The following SUCLG1 variants were observed in gnomAD, a reference collection of about 807,000 sequenced individuals.
SUCLG1 encodes the protein succinate--CoA ligase [ADP/GDP-forming] subunit alpha, mitochondrial.
SUCLG1 carries 26 observed loss-of-function variants against 37.3 expected under a neutral mutation model. That is an observed-to-expected ratio of 0.70 (90% CI 0.51 to 0.97). The LOEUF is 0.97. Ranked by LOEUF, SUCLG1 falls within the 50% of genes least tolerant of loss-of-function variation. SUCLG1 has a pLI of 0.00. For synonymous variants in SUCLG1, 163 were observed against 155.6 expected, an observed-to-expected ratio of 1.05 and a Z score of -0.36; for missense variants, 433 against 432.9, an observed-to-expected ratio of 1.00 and a Z score of 0.00.
chr2:84,424,502 G>A (rs541430836), intron 8 of SUCLG1, among the ~76,000 whole-genome samples: 1 of 152,206 alleles, frequency 6.6e-6, no homozygotes, highest in Non-Finnish European at 1.5e-5. Context: ...TATTCCAAGA[G>A]CAGGATCATG....
intron 2 of SUCLG1, among the ~76,000 whole-genome samples, chr2:84,444,975 T>A (rs564592538): frequency 6.6e-6 from 1 of 152,322 alleles, no homozygotes; most frequent in South Asian, 2.1e-4. Context: ...AGATTTCATA[T>A]TGTTCAAACA....
chr2:84,449,545 T>C (rs1336275280), intron 2 of SUCLG1, 104 bp downstream of exon 2: 7 of 790,728 alleles, frequency 8.9e-6, no homozygotes, highest in African/African-American at 7.0e-5. Flanking sequence ...AGTATATTTT[T>C]CTGCAACAAT....
intron 7 of SUCLG1, among the ~76,000 whole-genome samples, chr2:84,430,309 C>CACT (rs1672596025): frequency 6.6e-6 from 1 of 152,126 alleles, no homozygotes; most frequent in African/African-American, 2.4e-5. Context: ...AGGAGGCAGG[C>CACT]ACTACTATAT....
At chr2:84,425,321 C>T in intron 8 of SUCLG1, 94 bp downstream of exon 8, 3 of 1,501,798 alleles carry the variant, frequency 2.0e-6, no homozygotes, top group Non-Finnish European at 2.8e-6. Flanking sequence ...AATTAAGTCC[C>T]AGAAGCAAAG....
At chr2:84,442,905 C>T (rs1341899915) in intron 3 of SUCLG1, among the ~76,000 whole-genome samples, 3 of 152,160 alleles carry the variant, frequency 2.0e-5, no homozygotes, top group Non-Finnish European at 2.9e-5. Flanking sequence ...CACCTACCTC[C>T]GAGGGTTGTA....
intron 3 of SUCLG1, 85 bp from the exon 4 acceptor site, chr2:84,441,544 T>G: frequency 6.9e-7 from 1 of 1,444,974 alleles, no homozygotes; most frequent in Non-Finnish European, 9.5e-7. Context: ...TTTAATAATG[T>G]CTTGGGGTAA....
At chr2:84,446,514 C>CT (rs751784842) in intron 2 of SUCLG1, among the ~76,000 whole-genome samples, 1 of 152,096 alleles carries the variant, frequency 6.6e-6, no homozygotes, top group Non-Finnish European at 1.5e-5. Flanking sequence ...GATTCAAATT[C>CT]TTTTTCAAAA....
chr2:84,423,566 T>C lies in SUCLG1; in HGVS notation c.*180A>G. On this transcript the variant is annotated 3_prime_UTR_variant, in exon 9 of 9. Transcript: ENST00000393868. ...GTAGATTTATTGGCTGTCTCTGTAATACAATGTGGTGAAAACATCTTAATT... is the reference window on the plus strand; with the variant it reads ...GTAGATTTATTGGCTGTCTCTGTAACACAATGTGGTGAAAACATCTTAATT... 2 of 673,398 alleles carry C rather than the reference T, an allele frequency of 3.0e-6. No homozygotes were observed. Among genetic ancestry groups the C allele is most frequent in the East Asian group, 5.5e-5 (2 of 36,526 alleles). 41.7% of individuals were successfully genotyped at this position (673,398 alleles called of 1,614,324 possible). A position where few individuals can be genotyped will look rare whatever the true frequency, so the allele number is the denominator to read the frequency against.
Position 84,449,750 on chromosome 2 carries a change from G to A in SUCLG1, c.100C>T (p.Pro34Ser). 1 of 1,439,488 alleles carries A rather than the reference G, an allele frequency of 6.9e-7. No individual in the cohort carries two copies. The highest frequency in any genetic ancestry group is 9.5e-7 in the Non-Finnish European group (1 of 1,056,726). The allele number at this position is 1,439,488 out of a possible 1,614,324, so 89.2% of individuals were successfully genotyped here. A position where few individuals can be genotyped will look rare whatever the true frequency, so the allele number is the denominator to read the frequency against. Reference protein sequence around the residue: ...ARLLSRSFLLPQNGIRHCSYT... With the variant: ...ARLLSRSFLLSQNGIRHCSYT... ...GAACAATGCCGAATTCCATTCTGCG[G>A]CACTAAGAGGTTAAAAAAAAAAAAA... The change falls in exon 2 of 9, where the codon CCG becomes TCG. Residue 34 changes from proline (P) to serine (S), a missense_variant and splice_region_variant. Physicochemically the swap from Pro to Ser is moderately conservative, Grantham distance 74. Transcript: ENST00000393868.
Position 84,425,531 on chromosome 2 carries a change from C to A in SUCLG1, c.898G>T (p.Ala300Ser), listed in dbSNP as rs774565624. The A allele has an allele frequency of 6.2e-7, 1 of 1,614,226 alleles. No homozygotes were observed. Among genetic ancestry groups the A allele is most frequent in the Non-Finnish European group, 8.5e-7 (1 of 1,180,034 alleles). The change falls in exon 8 of 9, where the codon GCC becomes TCC. Residue 300 changes from alanine (A) to serine (S), a missense_variant. Coordinates refer to ENST00000393868, the MANE Select transcript of SUCLG1 (RefSeq NM_003849.4). The stretch of plus-strand genomic sequence containing the variant: ...TTTCCTCCAGCAATAATTGCCCCGG[C>A]ATGACCCATTCTTCTCCCAGGAGGA... ...TAPPGRRMGHAGAIIAGGKGG... is the reference protein window; with the variant it reads ...TAPPGRRMGHSGAIIAGGKGG...
At chr2:84,453,001 G>C (rs1391615195) in intron 1 of SUCLG1, among the ~76,000 whole-genome samples, 2 of 152,192 alleles carry the variant, frequency 1.3e-5, no homozygotes, top group African/African-American at 4.8e-5. Context: ...AAAGATCATA[G>C]GTTTCCCTAA....
intron 5 of SUCLG1, among the ~76,000 whole-genome samples, chr2:84,439,987 T>C (rs1005606705): frequency 6.6e-6 from 1 of 152,204 alleles, no homozygotes; most frequent in Non-Finnish European, 1.5e-5. Flanking sequence ...AATGGCCTTA[T>C]AAGCACATGA....
chr2:84,432,468 T>TGTGAGAA (rs1317190171), intron 6 of SUCLG1: 4 of 152,232 alleles, frequency 2.6e-5, no homozygotes, highest in Admixed American at 1.3e-4. Flanking sequence ...TCAACTTCTC[T>TGTGAGAA]GTGAGATAGG....
intron 6 of SUCLG1, 197 bp downstream of exon 6, chr2:84,433,155 A>G: frequency 1.6e-6 from 1 of 636,308 alleles, no homozygotes; most frequent in Non-Finnish European, 2.8e-6. Context: ...TTCAACCTAG[A>G]AATGAAATCT....
rs563693991 is a variant in SUCLG1 at position 84,434,274 on chromosome 2, T to G, written c.590-839A>C. On this transcript the variant is annotated intron_variant, in intron 5 of 8. Coordinates refer to ENST00000393868, the MANE Select transcript of SUCLG1 (RefSeq NM_003849.4). ...TAGCATTAGTCACATTTTAAAATAC[T>G]ACCTATCTTCTCCACAACTATTTTC... Among the ~76,000 whole-genome samples, 5 of 152,324 alleles carry G rather than the reference T, an allele frequency of 3.3e-5. No individual in the cohort carries two copies. The South Asian group carries it at 1.0e-3, about 32-fold the overall frequency.
Position 84,441,266 on chromosome 2 carries a change from T to C in SUCLG1, c.512A>G (p.Asn171Ser), listed in dbSNP as rs765519303. Residue 171 changes from asparagine (N) to serine (S), a missense_variant, in exon 4 of 9, where the codon AAC becomes AGC. Physicochemically the swap from Asn to Ser is conservative, Grantham distance 46. Transcript: ENST00000393868. Reference sequence around the variant, plus strand: ...ACTCACATTGATGACTCCAGGGCAGTTGGGCCCAATTAGCCTTGTCTTTTC... The same window carrying C: ...ACTCACATTGATGACTCCAGGGCAGCTGGGCCCAATTAGCCTTGTCTTTTC... ...RQEKTRLIGP[N>S]CPGVINPGEC... 1.2e-6 allele frequency: 2 copies of C among 1,614,030 alleles called. No individual in the cohort carries two copies. The highest frequency in any genetic ancestry group is 8.5e-7 in the Non-Finnish European group (1 of 1,180,028).
chr2:84,459,264 G>C lies in SUCLG1; in HGVS notation c.6C>G (p.Thr2=). Residue 2 remains threonine, a synonymous_variant, in exon 1 of 9, where the codon ACC becomes ACG. Transcript: ENST00000393868. M[T]ATLAAAADIA... is the part of the protein sequence containing the mutation. ...TGTCAGCGGCAGCGGCAAGGGTTGC[G>C]GTCATACGCCAATGACACTCCCAGG... 1 of 1,550,580 alleles carries C rather than the reference G, an allele frequency of 6.4e-7. No individual in the cohort carries two copies. Among genetic ancestry groups the C allele is most frequent in the Non-Finnish European group, 8.7e-7 (1 of 1,146,752 alleles).
intron 7 of SUCLG1, among the ~76,000 whole-genome samples, chr2:84,429,505 G>T (rs1223125967): frequency 6.6e-6 from 1 of 152,112 alleles, no homozygotes; most frequent in Admixed American, 6.5e-5. Context: ...TGTGCCAGGG[G>T]ACTGGGCAGG....
At chr2:84,430,459 G>A (rs1264001019) in intron 7 of SUCLG1, among the ~76,000 whole-genome samples, 2 of 152,178 alleles carry the variant, frequency 1.3e-5, no homozygotes, top group African/African-American at 4.8e-5. Flanking sequence ...ATGAGAGAAT[G>A]AGGGTAAACC....
Sources: allele counts gnomAD v4.1 joint callset (sites outside exome capture counted in the v4.1 genomes callset), GRCh38; gene constraint gnomAD v4.1.1; transcripts MANE v1.5; gene names NCBI Gene and HGNC (gene_info 2026-07-23, HGNC 2026-07-21).